The following DYRK1A variants were observed in gnomAD, a reference collection of about 807,000 sequenced individuals.
The protein encoded by DYRK1A is dual specificity tyrosine phosphorylation regulated kinase 1A, also known as dual specificity tyrosine-phosphorylation-regulated kinase 1A.
DYRK1A carries 9 observed loss-of-function variants against 79.7 expected under a neutral mutation model. That is an observed-to-expected ratio of 0.11 (90% CI 0.07 to 0.20). The LOEUF (loss-of-function observed/expected upper bound fraction) is 0.20, where lower values mean the gene tolerates loss of function less well. Among genes scored for constraint, DYRK1A ranks in the 10% least tolerant of loss-of-function variants. The pLI, the probability that DYRK1A is intolerant of heterozygous loss-of-function variation, is 1.00. For missense variants in DYRK1A, 622 were observed against 956.0 expected (o/e 0.65, Z 4.61); for synonymous variants, 349 against 329.7 (o/e 1.06, Z -0.63).
chr21:37,395,551 T>A (rs1358362751), intron 1 of DYRK1A, among the ~76,000 whole-genome samples: 1 of 152,198 alleles, frequency 6.6e-6, no homozygotes, highest in Non-Finnish European at 1.5e-5. Flanking sequence ...AGAATACATT[T>A]AATTTATTGA....
At chr21:37,439,836 C>A (rs954377843) in intron 2 of DYRK1A, among the ~76,000 whole-genome samples, 1 of 152,058 alleles carries the variant, frequency 6.6e-6, no homozygotes, top group Non-Finnish European at 1.5e-5. Context: ...AATGTTTTTT[C>A]TGCATCTCCC....
chr21:37,437,805 C>G (rs1016485196), intron 2 of DYRK1A, among the ~76,000 whole-genome samples: 2 of 152,182 alleles, frequency 1.3e-5, no homozygotes, highest in Admixed American at 6.5e-5. Flanking sequence ...AATAAAGATG[C>G]TATGAATATT....
At chr21:37,374,395 T>C (rs897661376) in intron 1 of DYRK1A, among the ~76,000 whole-genome samples, 2 of 150,796 alleles carry the variant, frequency 1.3e-5, no homozygotes, top group Admixed American at 1.3e-4. Flanking sequence ...GAAATATAAA[T>C]ATCTAAGATT....
Position 37,499,393 on chromosome 21 carries a change from T to C in DYRK1A, c.1212+3135T>C, listed in dbSNP as rs1176801826. On this transcript the variant is annotated intron_variant, in intron 9 of 11. Coordinates refer to ENST00000647188, the MANE Select transcript of DYRK1A (RefSeq NM_001347721.2). ...AAGCAATTACTTTACCCTGTTGATATGTTTTCTATTCTAGGTCCTTTCTTT... is the reference window on the plus strand; with the variant it reads ...AAGCAATTACTTTACCCTGTTGATACGTTTTCTATTCTAGGTCCTTTCTTT... 5.3e-4 allele frequency among the ~76,000 whole-genome samples: 81 copies of C among 152,214 alleles called. 1 individual carries two copies. The highest frequency in any genetic ancestry group is 5.2e-3 in the Admixed American group (80 of 15,290).
intron 6 of DYRK1A, chr21:37,487,261 C>G (rs566085967): frequency 6.6e-6 from 1 of 152,196 alleles, no homozygotes; most frequent in Non-Finnish European, 1.5e-5. Flanking sequence ...GGCTCTGCAG[C>G]TAAGATTGGA....
intron 1 of DYRK1A, among the ~76,000 whole-genome samples, chr21:37,372,300 A>C (rs1602349221): frequency 6.6e-6 from 1 of 151,914 alleles, no homozygotes; most frequent in African/African-American, 2.4e-5. Context: ...AAAACAAAAA[A>C]AAAACAGGTG....
At chr21:37,422,398 A>G (rs1360354634) in intron 2 of DYRK1A, among the ~76,000 whole-genome samples, 1 of 152,204 alleles carries the variant, frequency 6.6e-6, no homozygotes, top group Non-Finnish European at 1.5e-5. Context: ...ATTTCAACAC[A>G]TTAAAACTAA....
At chr21:37,434,900 G>A (rs150107619) in intron 2 of DYRK1A, among the ~76,000 whole-genome samples, 1 of 152,130 alleles carries the variant, frequency 6.6e-6, no homozygotes, top group South Asian at 2.1e-4. Context: ...TTAATGTATA[G>A]AAAGACATTT....
chr21:37,493,421 A>G (rs1436616433), intron 8 of DYRK1A, among the ~76,000 whole-genome samples: 1 of 152,232 alleles, frequency 6.6e-6, no homozygotes, highest in Non-Finnish European at 1.5e-5. Flanking sequence ...CATACATTTT[A>G]CAGGTTTTAA....
upstream of DYRK1A, chr21:37,366,205 G>A (rs1205841219): frequency 2.0e-5 from 3 of 150,810 alleles, no homozygotes; most frequent in African/African-American, 7.3e-5. Context: ...CTCCAGGCCC[G>A]GGCGCGCGGG....
At chr21:37,435,818 A>C (rs2050907950) in intron 2 of DYRK1A, among the ~76,000 whole-genome samples, 1 of 152,164 alleles carries the variant, frequency 6.6e-6, no homozygotes, top group African/African-American at 2.4e-5. Context: ...AGCAAATAAG[A>C]GCATAAACTT....
chr21:37,479,605 TGTTTTTG>T (rs1569362106), intron 4 of DYRK1A, among the ~76,000 whole-genome samples: 3,005 of 78,634 alleles, frequency 0.038, 131 homozygotes, highest in African/African-American at 0.19. Flanking sequence ...TTTTTGTTTT[TGTTTTTG>T]TTTTTTGTTT....
intron 2 of DYRK1A, among the ~76,000 whole-genome samples, chr21:37,470,131 G>A (rs999496567): frequency 6.6e-5 from 10 of 152,088 alleles, no homozygotes; most frequent in East Asian, 1.9e-4. Context: ...GTGACAGAGC[G>A]AGACTCTGTC....
In DYRK1A at chr21:37,497,064, AG is replaced by A. The variant is rs2053292472; in HGVS notation, c.1212+807del. Among the ~76,000 whole-genome samples the A allele has an allele frequency of 2.0e-5, 3 of 152,198 alleles. No individual in the cohort carries two copies. In the South Asian group the frequency reaches 6.2e-4, roughly 31 times the overall value. ...GACCCCCACACACACATGTACATAC[AG>A]AAGTCACCTTGAGATCATAGTTTTG... On this transcript the variant is annotated intron_variant, in intron 9 of 11. Coordinates refer to ENST00000647188, the MANE Select transcript of DYRK1A (RefSeq NM_001347721.2).
intron 4 of DYRK1A, among the ~76,000 whole-genome samples, chr21:37,480,271 A>C (rs527383961): frequency 1.3e-5 from 2 of 152,294 alleles, no homozygotes; most frequent in African/African-American, 4.8e-5. Context: ...GGACATGAAA[A>C]TGTTACTTGG....
At chr21:37,466,136 A>C (rs987675991) in intron 2 of DYRK1A, among the ~76,000 whole-genome samples, 7 of 152,214 alleles carry the variant, frequency 4.6e-5, no homozygotes. Flanking sequence ...TTTCATAGCT[A>C]TCTGGATGTC....
intron 2 of DYRK1A, among the ~76,000 whole-genome samples, chr21:37,422,712 A>G (rs780298447): frequency 6.6e-6 from 1 of 152,140 alleles, no homozygotes; most frequent in African/African-American, 2.4e-5. Context: ...GATTGTGGTG[A>G]TCATTTCATT....
At chr21:37,451,277 T>TA (rs757991870) in intron 2 of DYRK1A, among the ~76,000 whole-genome samples, 100 of 152,302 alleles carry the variant, frequency 6.6e-4, no homozygotes, top group Admixed American at 1.3e-3. Context: ...GTACAATGTC[T>TA]ATAAAGTCGA....
In DYRK1A at chr21:37,380,055, T is replaced by TA. The variant is rs200045339; in HGVS notation, c.-77+12431dup. On this transcript the variant is annotated intron_variant, in intron 1 of 11. Coordinates refer to ENST00000647188, the MANE Select transcript of DYRK1A (RefSeq NM_001347721.2). ...TTCCTTAAAGCGAACATAGAGTCTA[T>TA]AAAATGGAATAATTTTTGATGTTGC... Among the ~76,000 whole-genome samples, 1,382 of 152,338 alleles carry TA rather than the reference T, an allele frequency of 9.1e-3. 12 individuals are homozygous for TA. Among genetic ancestry groups the TA allele is most frequent in the Middle Eastern group, 0.044 (13 of 294 alleles).
Sources: allele counts gnomAD v4.1 joint callset (sites outside exome capture counted in the v4.1 genomes callset), GRCh38; gene constraint gnomAD v4.1.1; transcripts MANE v1.5; gene names NCBI Gene and HGNC (gene_info 2026-07-23, HGNC 2026-07-21).